The following MTR variants were observed in gnomAD, a reference collection of about 807,000 sequenced individuals.
The protein encoded by MTR is 5-methyltetrahydrofolate-homocysteine methyltransferase.
Under a neutral mutation model 154.8 loss-of-function variants are expected in MTR, and 84 were observed. The observed-to-expected ratio is 0.54, with a 90% CI of 0.45 to 0.65. The LOEUF (loss-of-function observed/expected upper bound fraction) is 0.65. Ranked by LOEUF, MTR falls within the 30% of genes least tolerant of loss-of-function variation. The probability of loss-of-function intolerance (pLI) is 0.00; values close to 1 mark genes in which losing one functional copy is unlikely to be tolerated. For synonymous variants in MTR, 554 were observed against 553.9 expected (o/e 1.00, Z 0.00); for missense variants, 1,275 against 1,570.2 (o/e 0.81, Z 3.18).
At chr1:236,853,828 A>G (rs1242132207) in intron 18 of MTR, among the ~76,000 whole-genome samples, 3 of 152,182 alleles carry the variant, frequency 2.0e-5, no homozygotes, top group Non-Finnish European at 2.9e-5. Context: ...AATTATAGCT[A>G]ATTCAAACAC....
chr1:236,817,519 A>T (rs556409541), intron 8 of MTR, among the ~76,000 whole-genome samples: 4 of 152,166 alleles, frequency 2.6e-5, no homozygotes, highest in African/African-American at 9.7e-5. Flanking sequence ...TAAGTGCTTT[A>T]TGTGAATTCT....
chr1:236,816,589 C>A lies in MTR; in HGVS notation c.764+46C>A, dbSNP rs116194539. 466 of 1,500,864 alleles carry A rather than the reference C, an allele frequency of 3.1e-4. 2 individuals are homozygous for A. In the African/African-American group the frequency reaches 4.7e-3, roughly 15 times the overall value. The allele number at this position is 1,500,864 out of a possible 1,614,324, so 93.0% of individuals were successfully genotyped here. On this transcript the variant is annotated intron_variant, in intron 8 of 32. Coordinates refer to ENST00000366577, the MANE Select transcript of MTR (RefSeq NM_000254.3). ...TAACTTCTTTTCTTTTTTGGGGAAC[C>A]TTTTCTGATGGCTGTGGAGTGTGAC... is the stretch of plus-strand genomic sequence containing the variant.
At chr1:236,820,324 T>C (rs1661856063) in intron 8 of MTR, 3 of 753,914 alleles carry the variant, frequency 4.0e-6, no homozygotes, top group South Asian at 1.4e-5. Context: ...TCAGGGTGAA[T>C]GGACTGCTCC....
At chr1:236,809,859 G>C (rs935703645) in intron 4 of MTR, among the ~76,000 whole-genome samples, 1 of 152,142 alleles carries the variant, frequency 6.6e-6, no homozygotes, top group African/African-American at 2.4e-5. Flanking sequence ...AGAAGCACCT[G>C]GACTTCAGGG....
At chr1:236,812,597 T>C in intron 5 of MTR, 141 bp from the exon 6 acceptor site, 1 of 746,064 alleles carries the variant, frequency 1.3e-6, no homozygotes, top group Non-Finnish European at 2.4e-6. Flanking sequence ...TTTATTTGGT[T>C]TCTTACAAAA....
intron 27 of MTR, among the ~76,000 whole-genome samples, chr1:236,887,019 C>T (rs1666049142): frequency 1.3e-5 from 2 of 152,056 alleles, no homozygotes; most frequent in African/African-American, 4.8e-5. Flanking sequence ...CCTTTCTTGC[C>T]TCATATAGGT....
intron 15 of MTR, among the ~76,000 whole-genome samples, chr1:236,844,417 T>C (rs940118379): frequency 6.8e-6 from 1 of 147,838 alleles, no homozygotes; most frequent in Non-Finnish European, 1.5e-5. Context: ...AAAAATAGGG[T>C]GGAAACCAGG....
Position 236,900,188 on chromosome 1 carries a change from G to A in MTR, c.*2544G>A. ...TATGTCTGTCTACAGGAAAATAGGT[G>A]AATAATTAGATATATATATTCATTC... On this transcript the variant is annotated 3_prime_UTR_variant, in exon 33 of 33. Transcript: ENST00000366577. 2.5e-6 allele frequency: 1 copy of A among 407,762 alleles called. No individual in the cohort carries two copies. The allele number at this position is 407,762 out of a possible 1,614,324, so 25.3% of individuals were successfully genotyped here.
chr1:236,835,624 A>G lies in MTR; in HGVS notation c.1266A>G (p.Leu422=), dbSNP rs984927112. The G allele has an allele frequency of 2.5e-6, 4 of 1,610,738 alleles. No individual in the cohort carries two copies. The highest frequency in any genetic ancestry group is 1.7e-5 in the Admixed American group (1 of 59,448). ...ATGTCAACATGGATGATGGCATGCT[A>G]GATGGTCCAAGTGCAATGACCAGAT... The part of the protein sequence containing the change: ...VLDVNMDDGM[L]DGPSAMTRFC... Residue 422 remains leucine (L), a synonymous_variant, in exon 14 of 33, where the codon CTA becomes CTG. Transcript: ENST00000366577.
chr1:236,883,075 T>G (rs1178545066), intron 25 of MTR, among the ~76,000 whole-genome samples: 1 of 152,240 alleles, frequency 6.6e-6, no homozygotes, highest in African/African-American at 2.4e-5. Context: ...TTTAGACCCT[T>G]GCTTTCTTTT....
At chr1:236,872,671 A>G (rs1665202328) in intron 22 of MTR, among the ~76,000 whole-genome samples, 2 of 152,080 alleles carry the variant, frequency 1.3e-5, no homozygotes, top group Admixed American at 6.5e-5. Flanking sequence ...TGCTTTCATG[A>G]TAGAGTTACT....
At chr1:236,818,183 A>G (rs1042789050) in intron 8 of MTR, among the ~76,000 whole-genome samples, 1 of 152,244 alleles carries the variant, frequency 6.6e-6, no homozygotes, top group Non-Finnish European at 1.5e-5. Flanking sequence ...TGTATTTGTC[A>G]AAACCCACAA....
intron 24 of MTR, among the ~76,000 whole-genome samples, chr1:236,875,432 A>C (rs1286316545): frequency 1.3e-5 from 2 of 152,236 alleles, no homozygotes. Context: ...AAATTTGTTC[A>C]CATGATAATT....
At chr1:236,858,779 T>C (rs1489374758) in intron 18 of MTR, among the ~76,000 whole-genome samples, 2 of 152,172 alleles carry the variant, frequency 1.3e-5, no homozygotes, top group East Asian at 3.9e-4. Flanking sequence ...AGGTTTCCGG[T>C]TTGGCAGCTG....
intron 15 of MTR, among the ~76,000 whole-genome samples, chr1:236,839,915 T>G (rs1367928587): frequency 6.6e-6 from 1 of 152,002 alleles, no homozygotes; most frequent in Non-Finnish European, 1.5e-5. Context: ...AAAAAATGAG[T>G]GACATGATCC....
chr1:236,800,459 G>A (rs1660641731), intron 1 of MTR: 1 of 985,288 alleles, frequency 1.0e-6, no homozygotes, highest in Non-Finnish European at 1.2e-6. Context: ...AGAAGAAAGC[G>A]ATTCAGCTGG....
At chr1:236,888,998 C>G (rs559030404) in intron 27 of MTR, among the ~76,000 whole-genome samples, 183 bp from the exon 28 acceptor site, 118 of 152,204 alleles carry the variant, frequency 7.8e-4, no homozygotes, top group Non-Finnish European at 1.5e-3. Context: ...TTATTTAAGA[C>G]TCAGTGCAGA....
intron 1 of MTR, among the ~76,000 whole-genome samples, chr1:236,801,759 G>C (rs1300311782): frequency 6.6e-6 from 1 of 152,148 alleles, no homozygotes; most frequent in Non-Finnish European, 1.5e-5. Flanking sequence ...GCGTCATTAT[G>C]GTTTGTTTTG....
chr1:236,811,193 G>C (rs773720379), intron 5 of MTR, among the ~76,000 whole-genome samples: 1 of 152,142 alleles, frequency 6.6e-6, no homozygotes, highest in Non-Finnish European at 1.5e-5. Context: ...ATAACCATCA[G>C]ATCTCGTAAG....
Sources: gnomAD v4.1 joint callset for allele counts (sites outside exome capture counted in the v4.1 genomes callset) on GRCh38, gnomAD v4.1.1 for gene constraint, MANE v1.5 for transcripts, NCBI Gene and HGNC (gene_info 2026-07-23, HGNC 2026-07-21) for gene names.